STPG2: variants seen among roughly 807,000 people sequenced by gnomAD.
STPG2 encodes sperm tail PG-rich repeat containing 2, also known as sperm-tail PG-rich repeat-containing protein 2.
In STPG2, 56 loss-of-function variants were observed where a neutral mutation model predicts 54.2. The observed-to-expected ratio is 1.03, with a 90% CI of 0.83 to 1.29. The LOEUF is 1.29. STPG2 is among the 50% of genes most tolerant of loss of function. The probability of loss-of-function intolerance (pLI) is 0.00; values close to 1 mark genes in which losing one functional copy is unlikely to be tolerated. For synonymous variants in STPG2, 200 were observed against 181.8 expected, an observed-to-expected ratio of 1.10 and a Z score of -0.81; for missense variants, 596 against 544.9, an observed-to-expected ratio of 1.09 and a Z score of -0.93.
chr4:97,967,527 C>T (rs1309073515), intron 7 of STPG2, among the ~76,000 whole-genome samples: 1 of 152,156 alleles, frequency 6.6e-6, no homozygotes, highest in Non-Finnish European at 1.5e-5. Flanking sequence ...ATCTACAGAA[C>T]TCTCCACCCC....
At position 98,059,628 on chromosome 4, in the gene STPG2, A is replaced by G. The variant is rs886496443; in HGVS notation, c.612+46325T>C. On this transcript the variant is annotated intron_variant, in intron 5 of 10. Coordinates refer to ENST00000295268, the MANE Select transcript of STPG2 (RefSeq NM_174952.3). ...AGAAAATTTCAGGCCAATATCTTTGATGAATATCAATGCAAAAAAAAAAAA... is the reference window on the plus strand; with the variant it reads ...AGAAAATTTCAGGCCAATATCTTTGGTGAATATCAATGCAAAAAAAAAAAA... 2.3e-5 allele frequency among the ~76,000 whole-genome samples: 3 copies of G among 128,692 alleles called. No homozygotes were observed. In the Admixed American group the frequency reaches 2.5e-4, roughly 11 times the overall value. 84.4% of individuals were successfully genotyped at this position (128,692 alleles called of 152,430 possible). A position where few individuals can be genotyped will look rare whatever the true frequency, so the allele number is the denominator to read the frequency against.
At chr4:97,526,517 G>C (rs1386949081) in intron 4 of STPG2, among the ~76,000 whole-genome samples, 1 of 151,916 alleles carries the variant, frequency 6.6e-6, no homozygotes, top group Non-Finnish European at 1.5e-5. Flanking sequence ...TCCACTTTTT[G>C]ATGGCGCTGT....
intron 8 of STPG2, among the ~76,000 whole-genome samples, chr4:97,930,571 G>C (rs1732505429): frequency 6.6e-6 from 1 of 152,118 alleles, no homozygotes; most frequent in Admixed American, 6.5e-5. Flanking sequence ...TGCTGTTTTG[G>C]TTACTGCAAC....
intron 9 of STPG2, among the ~76,000 whole-genome samples, chr4:97,782,418 G>A (rs1013459447): frequency 6.6e-5 from 10 of 152,114 alleles, no homozygotes; most frequent in South Asian, 2.1e-4. Context: ...ACTGCTCAAC[G>A]AAATAAAAGA....
chr4:97,736,819 A>G (rs1422626550), intron 9 of STPG2, among the ~76,000 whole-genome samples: 1 of 152,194 alleles, frequency 6.6e-6, no homozygotes, highest in East Asian at 1.9e-4. Context: ...ACCTCTGCAG[A>G]CTTAAATGTC....
chr4:97,662,544 A>G lies in STPG2; in HGVS notation c.1320+50155T>C, dbSNP rs1189607529. 2.0e-5 allele frequency among the ~76,000 whole-genome samples: 3 copies of G among 152,284 alleles called. 1 individual carries two copies. The East Asian group carries it at 5.8e-4, about 29-fold the overall frequency. On this transcript the variant is annotated intron_variant, in intron 10 of 10. Transcript: ENST00000295268. ...CAAAGAAAAATAAATCATTCTACCAAAAAGACACATGTACCCGTATGTTCA... is the reference window on the plus strand; with the variant it reads ...CAAAGAAAAATAAATCATTCTACCAGAAAGACACATGTACCCGTATGTTCA...
chr4:97,449,882 T>C (rs754877052), intron 4 of STPG2, among the ~76,000 whole-genome samples: 1 of 152,204 alleles, frequency 6.6e-6, no homozygotes, highest in African/African-American at 2.4e-5. Flanking sequence ...TGATTTTGCA[T>C]AGATGTCTTC....
chr4:97,616,759 T>C (rs560875834), intron 10 of STPG2, among the ~76,000 whole-genome samples: 1 of 152,252 alleles, frequency 6.6e-6, no homozygotes, highest in African/African-American at 2.4e-5. Context: ...GACTTGAAAT[T>C]TGTACAATAA....
At chr4:97,459,972 T>C (rs1729622025) in intron 4 of STPG2, among the ~76,000 whole-genome samples, 1 of 152,194 alleles carries the variant, frequency 6.6e-6, no homozygotes, top group Non-Finnish European at 1.5e-5. Context: ...TAGAGAATGA[T>C]AGTAGAAGCA....
At chr4:97,743,498 T>A (rs984123778) in intron 9 of STPG2, among the ~76,000 whole-genome samples, 5 of 151,736 alleles carry the variant, frequency 3.3e-5, no homozygotes, top group African/African-American at 1.2e-4. Flanking sequence ...ATCATTTTGG[T>A]CCAAATTGAA....
intron 9 of STPG2, among the ~76,000 whole-genome samples, chr4:97,797,138 G>C (rs1727215764): frequency 1.3e-5 from 2 of 152,296 alleles, no homozygotes; most frequent in South Asian, 2.1e-4. Context: ...TGCAAACAGA[G>C]ACAATTTGAT....
At chr4:98,128,897 C>G (rs1356375220) in intron 2 of STPG2, among the ~76,000 whole-genome samples, 5 of 152,004 alleles carry the variant, frequency 3.3e-5, no homozygotes, top group Non-Finnish European at 5.9e-5. Flanking sequence ...CTATGCTTGG[C>G]TAATGTTTGT....
At chr4:97,929,991 C>A (rs1732482266) in intron 8 of STPG2, among the ~76,000 whole-genome samples, 1 of 152,138 alleles carries the variant, frequency 6.6e-6, no homozygotes, top group South Asian at 2.1e-4. Context: ...CCTCCACCTC[C>A]CAGGTTCAAG....
At chr4:97,860,464 T>G (rs1729484925) in intron 8 of STPG2, among the ~76,000 whole-genome samples, 2 of 148,222 alleles carry the variant, frequency 1.3e-5, no homozygotes, top group Non-Finnish European at 3.0e-5. Context: ...GGTATATTCC[T>G]AAGTTTTATT....
chr4:97,867,167 T>A (rs1729821249), intron 8 of STPG2, among the ~76,000 whole-genome samples: 1 of 151,992 alleles, frequency 6.6e-6, no homozygotes, highest in Admixed American at 6.6e-5. Context: ...TGTTTAAGCC[T>A]TTTAGATTAT....
At chr4:98,087,181 G>T (rs17550630) in intron 5 of STPG2, among the ~76,000 whole-genome samples, 60,121 of 151,858 alleles carry the variant, frequency 0.4, 12,140 homozygotes, top group Middle Eastern at 0.46. Context: ...TAGAATACAG[G>T]TTCCTGCTAC....
chr4:97,887,446 C>A (rs1289531206), intron 8 of STPG2, among the ~76,000 whole-genome samples: 1 of 152,082 alleles, frequency 6.6e-6, no homozygotes, highest in Non-Finnish European at 1.5e-5. Context: ...TTTCATTGTG[C>A]CTCTTCCCTA....
chr4:97,888,799 G>C (rs765848317), intron 8 of STPG2, among the ~76,000 whole-genome samples: 2 of 152,150 alleles, frequency 1.3e-5, no homozygotes, highest in African/African-American at 4.8e-5. Flanking sequence ...CAAATATCAT[G>C]TCAAATTGCA....
At chr4:97,639,272 C>T (rs1721677596) in intron 10 of STPG2, among the ~76,000 whole-genome samples, 1 of 151,590 alleles carries the variant, frequency 6.6e-6, no homozygotes, top group Non-Finnish European at 1.5e-5. Context: ...CATATTCTCA[C>T]TCATAGGTGG....
Sources: gnomAD v4.1 joint callset for allele counts (sites outside exome capture counted in the v4.1 genomes callset) on GRCh38, gnomAD v4.1.1 for gene constraint, MANE v1.5 for transcripts, NCBI Gene and HGNC (gene_info 2026-07-23, HGNC 2026-07-21) for gene names.